Variants in EIF1AX observed in about 807,000 individuals in gnomAD.
The protein encoded by EIF1AX is eukaryotic translation initiation factor 1A X-linked.
EIF1AX carries 1 observed loss-of-function variant against 16.1 expected under a neutral mutation model. That is an observed-to-expected ratio of 0.06 (90% CI 0.02 to 0.30). The LOEUF (loss-of-function observed/expected upper bound fraction) is 0.30, where lower values mean the gene tolerates loss of function less well. EIF1AX is among the 10% of genes least tolerant of loss of function. The pLI, the probability that EIF1AX is intolerant of heterozygous loss-of-function variation, is 1.00. For synonymous variants in EIF1AX, 32 were observed against 37.3 expected, an observed-to-expected ratio of 0.86 and a Z score of 0.51; for missense variants, 11 against 109.1, an observed-to-expected ratio of 0.10 and a Z score of 4.00.
intron 1 of EIF1AX, among the ~76,000 whole-genome samples, chrX:20,139,116 G>C (rs1033135216): frequency 1.8e-5 from 2 of 111,636 alleles, no homozygotes; most frequent in African/African-American, 6.5e-5. Context: ...GGGTGCAGTG[G>C]TGTGCGCCTA....
chrX:20,136,231 GCACA>G (rs758772869), intron 2 of EIF1AX: 22 of 327,698 alleles, frequency 6.7e-5, no homozygotes, highest in Non-Finnish European at 7.1e-5. Context: ...ACGTGTGCGT[GCACA>G]CACACACACA....
At chrX:20,130,743 T>G in intron 5 of EIF1AX, 136 bp from the exon 6 acceptor site, 3 of 535,869 alleles carry the variant, frequency 5.6e-6, no homozygotes, top group African/African-American at 2.4e-5. Context: ...GTGTCACTGC[T>G]AAGTCAAGAT....
At chrX:20,130,689 A>G (rs1033726626) in intron 5 of EIF1AX, 82 bp from the exon 6 acceptor site, 80 of 892,456 alleles carry the variant, frequency 9.0e-5, no homozygotes, top group Non-Finnish European at 1.1e-4. Flanking sequence ...CTTTTATATA[A>G]GACAATAACT....
chrX:20,141,460 C>T (rs1320789469), intron 1 of EIF1AX, among the ~76,000 whole-genome samples, 165 bp downstream of exon 1: 1 of 111,890 alleles, frequency 8.9e-6, no homozygotes, highest in Non-Finnish European at 1.9e-5. Context: ...GTTAACTTCC[C>T]AGCTCCTCTC....
At chrX:20,133,618 A>G (rs1045844799) in intron 4 of EIF1AX, among the ~76,000 whole-genome samples, 23 of 111,529 alleles carry the variant, frequency 2.1e-4, no homozygotes, top group African/African-American at 7.2e-4. Context: ...TCACAGACCC[A>G]CAATGAGTCT....
At chrX:20,136,731 C>A (rs2067018188) in intron 2 of EIF1AX, among the ~76,000 whole-genome samples, 2 of 111,347 alleles carry the variant, frequency 1.8e-5, no homozygotes, top group Admixed American at 1.9e-4. Context: ...AGTTTAGCAC[C>A]CATCTACCAC....
chrX:20,136,827 G>C (rs1328965462), intron 2 of EIF1AX, among the ~76,000 whole-genome samples: 1 of 111,659 alleles, frequency 9.0e-6, no homozygotes, highest in African/African-American at 3.3e-5. Context: ...CCCAAGTCAA[G>C]TCAGCTGCTA....
chrX:20,133,331 T>A (rs930470024), intron 4 of EIF1AX, among the ~76,000 whole-genome samples: 1 of 111,062 alleles, frequency 9.0e-6, no homozygotes, highest in African/African-American at 3.3e-5. Context: ...TTCTCTATTA[T>A]GGGATGCTGT....
At chrX:20,138,452 G>T in intron 2 of EIF1AX, 87 bp downstream of exon 2, 1 of 776,196 alleles carries the variant, frequency 1.3e-6, no homozygotes, top group Non-Finnish European at 2.0e-6. Flanking sequence ...CTGGGCGATG[G>T]GCAAGACGCT....
rs1447751179 is a variant in EIF1AX, at chrX:20,141,708, C to T, written c.-68G>A. On this transcript the variant is annotated 5_prime_UTR_variant, in exon 1 of 7. Transcript: ENST00000379607. The stretch of plus-strand genomic sequence containing the variant: ...GTAGCGGCGACCGCGGCGGCTGCTG[C>T]TCCGAGGGGCGACACGAGGGAGCGC... 73 of 1,063,824 alleles carry T rather than the reference C, an allele frequency of 6.9e-5. No individual in the cohort carries two copies. The highest frequency in any genetic ancestry group is 8.6e-5 in the Non-Finnish European group (68 of 794,423). 87.7% of individuals were successfully genotyped at this position (1,063,824 alleles called of 1,213,427 possible). A position where few individuals can be genotyped will look rare whatever the true frequency, so the allele number is the denominator to read the frequency against.
chrX:20,138,815 C>A (rs1569174797), intron 1 of EIF1AX, among the ~76,000 whole-genome samples, 193 bp from the exon 2 acceptor site: 1 of 111,678 alleles, frequency 9.0e-6, no homozygotes, highest in African/African-American at 3.3e-5. Flanking sequence ...TTATCACCTC[C>A]CTACCCTTCT....
At chrX:20,139,134 A>G (rs1242957146) in intron 1 of EIF1AX, among the ~76,000 whole-genome samples, 1 of 111,861 alleles carries the variant, frequency 8.9e-6, no homozygotes, top group African/African-American at 3.3e-5. Context: ...CTAGGGTCTC[A>G]GCTACTCAGG....
At chrX:20,141,330 T>C (rs1287032120) in intron 1 of EIF1AX, among the ~76,000 whole-genome samples, 4 of 111,329 alleles carry the variant, frequency 3.6e-5, no homozygotes, top group Non-Finnish European at 5.7e-5. Context: ...CCCGCCACCG[T>C]CCCCACCGAG....
In EIF1AX at chrX:20,126,990, A is replaced by G. The variant is rs1453850311; in HGVS notation, c.*1316T>C. ...AAGTTCCCCGGTGACTAATAAAATAAAAGTGTCACAAGCTACATGATGGAT... is the reference window on the plus strand; with the variant it reads ...AAGTTCCCCGGTGACTAATAAAATAGAAGTGTCACAAGCTACATGATGGAT... On this transcript the variant is annotated 3_prime_UTR_variant, in exon 7 of 7. Coordinates refer to ENST00000379607, the MANE Select transcript of EIF1AX (RefSeq NM_001412.4). 2 of 146,250 alleles carry G rather than the reference A, an allele frequency of 1.4e-5. No individual in the cohort carries two copies. The highest frequency in any genetic ancestry group is 2.7e-5 in the Non-Finnish European group (2 of 73,069). The allele number at this position is 146,250 out of a possible 1,213,427, so 12.1% of individuals were successfully genotyped here.
intron 6 of EIF1AX, 63 bp from the exon 7 acceptor site, chrX:20,128,374 C>T: frequency 9.9e-7 from 1 of 1,006,727 alleles, no homozygotes; most frequent in Non-Finnish European, 1.4e-6. Context: ...CAGTCTACTC[C>T]ATATATAAGG....
intron 6 of EIF1AX, 147 bp from the exon 7 acceptor site, chrX:20,128,458 C>T: frequency 2.4e-6 from 1 of 410,465 alleles, no homozygotes; most frequent in Non-Finnish European, 4.2e-6. Context: ...TTCTGGCCTG[C>T]TATAAGTAAA....
intron 6 of EIF1AX, 145 bp from the exon 7 acceptor site, chrX:20,128,456 T>G: frequency 2.4e-6 from 1 of 415,532 alleles, no homozygotes; most frequent in South Asian, 6.8e-5. Flanking sequence ...AATTCTGGCC[T>G]GCTATAAGTA....
intron 1 of EIF1AX, chrX:20,140,031 G>A (rs1015579464): frequency 1.8e-5 from 2 of 112,475 alleles, no homozygotes; most frequent in African/African-American, 6.5e-5. Flanking sequence ...TAAATTCTCT[G>A]TTGAATGAAT....
rs762878162 is a variant in EIF1AX at position 20,138,510 on chromosome X, T to C, written c.100+29A>G. ...AGCTAAAAAAGAAAGGATGTTATTTTAAAAAGCGTAATTTATGAAAACACT... is the reference window on the plus strand; with the variant it reads ...AGCTAAAAAAGAAAGGATGTTATTTCAAAAAGCGTAATTTATGAAAACACT... On this transcript the variant is annotated intron_variant, in intron 2 of 6. Transcript: ENST00000379607. 7 of 1,100,832 alleles carry C rather than the reference T, an allele frequency of 6.4e-6. No individual in the cohort carries two copies. In the Admixed American group the frequency reaches 8.8e-5, roughly 14 times the overall value. 90.7% of individuals were successfully genotyped at this position (1,100,832 alleles called of 1,213,427 possible).
Sources: allele counts gnomAD v4.1 joint callset (sites outside exome capture counted in the v4.1 genomes callset), GRCh38; gene constraint gnomAD v4.1.1; transcripts MANE v1.5; gene names NCBI Gene and HGNC (gene_info 2026-07-23, HGNC 2026-07-21).